The following ZNF532 variants were observed in gnomAD, a reference collection of about 807,000 sequenced individuals.
ZNF532 encodes the protein zinc finger protein 532.
ZNF532 carries 22 observed loss-of-function variants against 89.3 expected under a neutral mutation model. The observed-to-expected ratio is 0.25, with a 90% CI of 0.18 to 0.35. The LOEUF is 0.35. ZNF532 is among the 10% of genes least tolerant of loss of function. ZNF532 has a pLI of 1.00. For synonymous variants in ZNF532, 606 were observed against 649.6 expected (o/e 0.93, Z 1.02); for missense variants, 1,132 against 1,643.4 (o/e 0.69, Z 5.38).
intron 2 of ZNF532, among the ~76,000 whole-genome samples, chr18:58,903,301 A>G (rs1027189676): frequency 6.6e-6 from 1 of 152,210 alleles, no homozygotes; most frequent in Admixed American, 6.5e-5. Context: ...TGGGCCTGCG[A>G]AAAACACACG....
At chr18:58,863,292 C>T (rs12961104), upstream of ZNF532, 1 of 151,562 alleles carries the variant, frequency 6.6e-6, no homozygotes, top group African/African-American at 2.4e-5. Flanking sequence ...GGCGAAGCCG[C>T]GAGCCAGCGG....
At chr18:58,869,180 G>T (rs1355266211) in intron 2 of ZNF532, among the ~76,000 whole-genome samples, 1 of 152,174 alleles carries the variant, frequency 6.6e-6, no homozygotes, top group African/African-American at 2.4e-5. Flanking sequence ...GGATCACATG[G>T]TACATACATA....
Position 58,948,121 on chromosome 18 carries a change from G to C in ZNF532, c.2760G>C (p.Leu920=). 7 of 1,613,868 alleles carry C rather than the reference G, an allele frequency of 4.3e-6. No individual in the cohort carries two copies. Among genetic ancestry groups the C allele is most frequent in the Non-Finnish European group, 5.9e-6 (7 of 1,179,866 alleles). The change falls in exon 6 of 10, where the codon CTG becomes CTC. Residue 920 remains leucine, a synonymous_variant. Coordinates refer to ENST00000591808, the MANE Select transcript of ZNF532 (RefSeq NM_001375912.1). Reference sequence around the variant, plus strand: ...CTGTGTTCACCCTGCAAACCTTGCTGTATCGCCACTTTGACCAACACATTG... The same window carrying C: ...CTGTGTTCACCCTGCAAACCTTGCTCTATCGCCACTTTGACCAACACATTG... The part of the protein sequence containing the change: ...CDTVFTLQTL[L]YRHFDQHIEN...
At chr18:58,911,603 C>G (rs927804276) in intron 2 of ZNF532, among the ~76,000 whole-genome samples, 1 of 152,124 alleles carries the variant, frequency 6.6e-6, no homozygotes, top group Non-Finnish European at 1.5e-5. Context: ...GTAAGGATCA[C>G]TTGAGCCCAG....
chr18:58,941,810 G>T, intron 5 of ZNF532, among the ~76,000 whole-genome samples: 1 of 149,746 alleles, frequency 6.7e-6, no homozygotes, highest in South Asian at 2.1e-4. Flanking sequence ...TCTTTTCTTT[G>T]TTTCTTTTCT....
In ZNF532 at chr18:58,903,551, G is replaced by A. The variant is rs533582223; in HGVS notation, c.-17-14720G>A. On this transcript the variant is annotated intron_variant, in intron 2 of 9. Coordinates refer to ENST00000591808, the MANE Select transcript of ZNF532 (RefSeq NM_001375912.1). ...ATGGTCAAAATAGAGGACCGACAGC[G>A]ATTATAAAGAGAATGAGGGCGCATC... Among the ~76,000 whole-genome samples the A allele has an allele frequency of 1.8e-4, 28 of 152,316 alleles. 1 individual carries two copies. The highest frequency in any genetic ancestry group is 4.3e-4 in the African/African-American group (18 of 41,582).
In ZNF532 at chr18:58,951,757, C is replaced by T. The variant is rs181265512; in HGVS notation, c.2869-1761C>T. Among the ~76,000 whole-genome samples, 3 of 147,216 alleles carry T rather than the reference C, an allele frequency of 2.0e-5. No homozygotes were observed. In the Admixed American group the frequency reaches 2.1e-4, roughly 10 times the overall value. ...CTCCGCCTCCCGGGTTCATGCCATT[C>T]TCCTGCCTCTGCCTCCCAAGTAGAT... is the stretch of plus-strand genomic sequence containing the variant. On this transcript the variant is annotated intron_variant, in intron 6 of 9. Transcript: ENST00000591808.
At chr18:58,904,549 C>A (rs191578550) in intron 2 of ZNF532, among the ~76,000 whole-genome samples, 1 of 151,996 alleles carries the variant, frequency 6.6e-6, no homozygotes, top group African/African-American at 2.4e-5. Flanking sequence ...CATTGTTAGA[C>A]GATACCTGAA....
chr18:58,882,288 C>T (rs1331280651), intron 2 of ZNF532, among the ~76,000 whole-genome samples: 1 of 152,146 alleles, frequency 6.6e-6, no homozygotes, highest in African/African-American at 2.4e-5. Context: ...CTTGTTCTTT[C>T]CTTAAGTCAT....
intron 2 of ZNF532, among the ~76,000 whole-genome samples, chr18:58,899,723 T>C (rs1322459067): frequency 6.6e-6 from 1 of 152,190 alleles, no homozygotes; most frequent in Non-Finnish European, 1.5e-5. Flanking sequence ...TGCCTCGGCC[T>C]CCCAATATGC....
intron 2 of ZNF532, among the ~76,000 whole-genome samples, chr18:58,880,749 T>C (rs2057813676): frequency 1.5e-5 from 2 of 133,116 alleles, no homozygotes; most frequent in Admixed American, 1.6e-4. Flanking sequence ...AGCCCTCTCA[T>C]AGGCGCGCGC....
At chr18:58,949,528 C>G (rs2063964340) in intron 6 of ZNF532, among the ~76,000 whole-genome samples, 1 of 152,048 alleles carries the variant, frequency 6.6e-6, no homozygotes, top group African/African-American at 2.4e-5. Flanking sequence ...ATACAAAAAT[C>G]AGCTGGGCGT....
In ZNF532 at chr18:58,985,144, T is replaced by G. The variant is rs1179366444; in HGVS notation, c.*678T>G. On this transcript the variant is annotated 3_prime_UTR_variant, in exon 10 of 10. Transcript: ENST00000591808. ...CTGAAGCTAGGAATCTAATAAGGAA[T>G]GCTGATTTCCTCAGTTCCATTTTGA... 2.6e-5 allele frequency: 4 copies of G among 152,290 alleles called. No homozygotes were observed. In the East Asian group the frequency reaches 7.7e-4, roughly 29 times the overall value. The allele number at this position is 152,290 out of a possible 1,614,324, so 9.4% of individuals were successfully genotyped here.
intron 2 of ZNF532, among the ~76,000 whole-genome samples, chr18:58,885,469 A>G (rs1200739130): frequency 2.0e-5 from 3 of 152,182 alleles, no homozygotes; most frequent in African/African-American, 7.2e-5. Context: ...TTAAATTTCC[A>G]CCTCCTGCCT....
chr18:58,903,366 G>A lies in ZNF532; in HGVS notation c.-17-14905G>A, dbSNP rs149011575. The stretch of plus-strand genomic sequence containing the variant: ...AGATTGTATTGGGAATTTGGTGTGA[G>A]GCCAAGAAGTTTGGACTTAATTTGG... On this transcript the variant is annotated intron_variant, in intron 2 of 9. Transcript: ENST00000591808. 2.8e-4 allele frequency among the ~76,000 whole-genome samples: 42 copies of A among 152,292 alleles called. No individual in the cohort carries two copies. The East Asian group carries it at 8.1e-3, about 29-fold the overall frequency.
intron 2 of ZNF532, among the ~76,000 whole-genome samples, chr18:58,880,390 C>T (rs1252076212): frequency 2.0e-5 from 3 of 152,116 alleles, no homozygotes; most frequent in Non-Finnish European, 4.4e-5. Flanking sequence ...GAACTTGAGG[C>T]TCAGAGAGGT....
intron 2 of ZNF532, among the ~76,000 whole-genome samples, chr18:58,887,760 C>G (rs2058404658): frequency 6.6e-6 from 1 of 152,148 alleles, no homozygotes. Flanking sequence ...GTCCTCTTCC[C>G]AATCCTAGGG....
chr18:58,875,141 C>CT (rs751597044), intron 2 of ZNF532, among the ~76,000 whole-genome samples: 1 of 149,018 alleles, frequency 6.7e-6, no homozygotes, highest in South Asian at 2.2e-4. Context: ...GCTATTTCAC[C>CT]TTTCCCCCCC....
rs549956227 is a variant in ZNF532, at chr18:58,942,087, A to T, written c.2705+2466A>T. Among the ~76,000 whole-genome samples the T allele has an allele frequency of 3.9e-3, 548 of 142,026 alleles. 3 individuals are homozygous for T. The highest frequency in any genetic ancestry group is 0.014 in the African/African-American group (526 of 37,764). 93.2% of individuals were successfully genotyped at this position (142,026 alleles called of 152,430 possible). A position where few individuals can be genotyped will look rare whatever the true frequency, so the allele number is the denominator to read the frequency against. On this transcript the variant is annotated intron_variant, in intron 5 of 9. Coordinates refer to ENST00000591808, the MANE Select transcript of ZNF532 (RefSeq NM_001375912.1). ...GCCCAGGCTGGAGTGCAGTGGCACG[A>T]TCTCAGCTCACTGCAAGCTCCACCT...
Sources: gnomAD v4.1 joint callset for allele counts (sites outside exome capture counted in the v4.1 genomes callset) on GRCh38, gnomAD v4.1.1 for gene constraint, MANE v1.5 for transcripts, NCBI Gene and HGNC (gene_info 2026-07-23, HGNC 2026-07-21) for gene names.